Variants in SORCS3 observed in about 807,000 individuals in gnomAD.
SORCS3 encodes sortilin related VPS10 domain containing receptor 3.
SORCS3 carries 57 observed loss-of-function variants against 146.3 expected under a neutral mutation model. That is an observed-to-expected ratio of 0.39 (90% CI 0.31 to 0.49). The LOEUF (loss-of-function observed/expected upper bound fraction) is 0.49. SORCS3 is among the 20% of genes least tolerant of loss of function. The pLI is 0.92. For synonymous variants in SORCS3, 653 were observed against 618.5 expected (o/e 1.06, Z -0.83); for missense variants, 1,341 against 1,575.5 (o/e 0.85, Z 2.52).
chr10:105,001,466 G>A (rs563109602), intron 4 of SORCS3, among the ~76,000 whole-genome samples: 1 of 152,326 alleles, frequency 6.6e-6, no homozygotes, highest in African/African-American at 2.4e-5. Flanking sequence ...GGATTGTGTT[G>A]TCCTGTATGC....
intron 4 of SORCS3, among the ~76,000 whole-genome samples, chr10:105,002,367 CT>C (rs1374799477): frequency 6.6e-6 from 1 of 152,116 alleles, no homozygotes; most frequent in African/African-American, 2.4e-5. Context: ...ACAGAATAAC[CT>C]TTTATTGAAG....
In SORCS3 at chr10:105,129,238, A is replaced by G. The variant is rs201826670; in HGVS notation, c.1213-10159A>G. On this transcript the variant is annotated intron_variant, in intron 7 of 26. Transcript: ENST00000369701. ...TCAAGTTGAATGAAAAACTTATACA[A>G]GTATTGGACAACCATATAAGCTAGA... 8.5e-5 allele frequency among the ~76,000 whole-genome samples: 13 copies of G among 152,214 alleles called. No individual in the cohort carries two copies. In the East Asian group the frequency reaches 2.1e-3, roughly 25 times the overall value.
chr10:104,891,314 C>T (rs2018746617), intron 2 of SORCS3, among the ~76,000 whole-genome samples: 1 of 152,152 alleles, frequency 6.6e-6, no homozygotes, highest in Admixed American at 6.5e-5. Context: ...CACATAGATG[C>T]ACTGATCAAT....
chr10:104,760,907 G>GT (rs535863535), intron 1 of SORCS3, among the ~76,000 whole-genome samples: 3,314 of 144,744 alleles, frequency 0.023, 98 homozygotes, highest in African/African-American at 0.071. Context: ...GACAGATTAC[G>GT]TTTTTTTTTT....
chr10:104,905,118 ACAGT>A (rs1171021824), intron 2 of SORCS3, among the ~76,000 whole-genome samples: 1 of 152,220 alleles, frequency 6.6e-6, no homozygotes, highest in Non-Finnish European at 1.5e-5. Context: ...GTTGTCAAGA[ACAGT>A]CAGTGTAGAA....
intron 3 of SORCS3, among the ~76,000 whole-genome samples, chr10:104,947,053 G>T (rs914174310): frequency 2.6e-5 from 4 of 152,090 alleles, no homozygotes; most frequent in Admixed American, 1.3e-4. Context: ...AGAGTAGATG[G>T]CAGCTCACGT....
rs540033487 is a variant in SORCS3, at chr10:105,201,008, T to C, written c.2128-112T>C. ...GGATCATTACTGAGAATGAGACTGC[T>C]ACATAAAGTACCTAAATGAGAATGA... On this transcript the variant is annotated intron_variant, in intron 15 of 26. Transcript: ENST00000369701. The C allele has an allele frequency of 1.2e-5, 14 of 1,143,662 alleles. No individual in the cohort carries two copies. The East Asian group carries it at 3.6e-4, about 29-fold the overall frequency. The allele number at this position is 1,143,662 out of a possible 1,614,324, so 70.8% of individuals were successfully genotyped here. A position where few individuals can be genotyped will look rare whatever the true frequency, so the allele number is the denominator to read the frequency against.
chr10:105,004,430 A>T (rs10400053), intron 4 of SORCS3, among the ~76,000 whole-genome samples: 24,113 of 152,010 alleles, frequency 0.16, 2,105 homozygotes, highest in African/African-American at 0.23. Flanking sequence ...ACAGGAAACC[A>T]TGTTACTGAA....
chr10:104,808,249 T>C (rs1430229461), intron 1 of SORCS3, among the ~76,000 whole-genome samples: 1 of 152,212 alleles, frequency 6.6e-6, no homozygotes, highest in South Asian at 2.1e-4. Context: ...GGATCTTCAT[T>C]TATCCATTTA....
intron 3 of SORCS3, among the ~76,000 whole-genome samples, chr10:104,965,552 C>G (rs2054821824): frequency 6.6e-6 from 1 of 152,162 alleles, no homozygotes; most frequent in African/African-American, 2.4e-5. Context: ...CACAAGGGTT[C>G]CAACTTTTCA....
At chr10:104,809,918 T>G (rs548164494) in intron 1 of SORCS3, among the ~76,000 whole-genome samples, 1 of 152,336 alleles carries the variant, frequency 6.6e-6, no homozygotes, top group South Asian at 2.1e-4. Flanking sequence ...CAGTGTCCTT[T>G]ATTTGATGTT....
At chr10:104,885,304 A>G (rs993149182) in intron 2 of SORCS3, among the ~76,000 whole-genome samples, 10 of 152,212 alleles carry the variant, frequency 6.6e-5, no homozygotes, top group Non-Finnish European at 1.0e-4. Context: ...CAAAGATCTC[A>G]AGGACAGCAG....
intron 4 of SORCS3, among the ~76,000 whole-genome samples, chr10:105,033,300 G>T (rs1209940276): frequency 6.6e-6 from 1 of 152,182 alleles, no homozygotes; most frequent in Non-Finnish European, 1.5e-5. Flanking sequence ...ATAAAAGATA[G>T]TATGGTGTAG....
chr10:104,915,550 A>T (rs1309940349), intron 2 of SORCS3, among the ~76,000 whole-genome samples: 8 of 152,094 alleles, frequency 5.3e-5, no homozygotes, highest in African/African-American at 1.9e-4. Flanking sequence ...GCAGCATGAG[A>T]GTCAGGCCGT....
chr10:105,044,523 T>A (rs1435587911), intron 5 of SORCS3, among the ~76,000 whole-genome samples: 1 of 152,174 alleles, frequency 6.6e-6, no homozygotes, highest in Non-Finnish European at 1.5e-5. Flanking sequence ...CTTAGGGATG[T>A]GCTGTGTGTG....
At chr10:104,877,638 C>T (rs1400063401) in intron 2 of SORCS3, among the ~76,000 whole-genome samples, 1 of 151,944 alleles carries the variant, frequency 6.6e-6, no homozygotes, top group Non-Finnish European at 1.5e-5. Context: ...AAGATGTATA[C>T]AAATCATTTC....
intron 1 of SORCS3, among the ~76,000 whole-genome samples, chr10:104,833,319 T>G (rs2018022782): frequency 6.6e-6 from 1 of 152,200 alleles, no homozygotes; most frequent in African/African-American, 2.4e-5. Flanking sequence ...TGCACGATGT[T>G]GAGACTCAGC....
chr10:105,263,391 G>A lies in SORCS3; in HGVS notation c.*17G>A, dbSNP rs199800571. Reference sequence around the variant, plus strand: ...AGTGTTTAATACCAGCAAGCCACGTGGTCAACCACCTTTCTGACTTTTTAT... The same window carrying A: ...AGTGTTTAATACCAGCAAGCCACGTAGTCAACCACCTTTCTGACTTTTTAT... On this transcript the variant is annotated 3_prime_UTR_variant, in exon 27 of 27. Coordinates refer to ENST00000369701, the MANE Select transcript of SORCS3 (RefSeq NM_014978.3). 6.2e-7 allele frequency: 1 copy of A among 1,612,640 alleles called. No individual in the cohort carries two copies. The highest frequency in any genetic ancestry group is 2.2e-5 in the East Asian group (1 of 44,860).
intron 20 of SORCS3, among the ~76,000 whole-genome samples, chr10:105,238,379 C>T (rs1467309894): frequency 6.6e-6 from 1 of 152,124 alleles, no homozygotes. Context: ...CTGGCTAAGT[C>T]AGGCAGGCTG....
Sources: allele counts gnomAD v4.1 joint callset (sites outside exome capture counted in the v4.1 genomes callset), GRCh38; gene constraint gnomAD v4.1.1; transcripts MANE v1.5; gene names NCBI Gene and HGNC (gene_info 2026-07-23, HGNC 2026-07-21).